ELAPOR1: variants seen among roughly 807,000 people sequenced by gnomAD.
The protein encoded by ELAPOR1 is endosome/lysosome-associated apoptosis and autophagy regulator 1.
ELAPOR1 carries 77 observed loss-of-function variants against 119.7 expected under a neutral mutation model. That is an observed-to-expected ratio of 0.64 (90% CI 0.54 to 0.78). The LOEUF is 0.78. ELAPOR1 is among the 30% of genes least tolerant of loss of function. The pLI, the probability that ELAPOR1 is intolerant of heterozygous loss-of-function variation, is 0.00. For synonymous variants in ELAPOR1, 481 were observed against 487.2 expected, an observed-to-expected ratio of 0.99 and a Z score of 0.17; for missense variants, 1,115 against 1,270.4, an observed-to-expected ratio of 0.88 and a Z score of 1.86.
intron 7 of ELAPOR1, among the ~76,000 whole-genome samples, chr1:109,175,523 C>T (rs553312363): frequency 9.5e-5 from 14 of 148,042 alleles, no homozygotes; most frequent in African/African-American, 3.4e-4. Context: ...TTAAATGAAA[C>T]ATTATATAAG....
intron 1 of ELAPOR1, among the ~76,000 whole-genome samples, chr1:109,155,994 A>G (rs1179019235): frequency 2.4e-4 from 37 of 152,136 alleles, no homozygotes; most frequent in Admixed American, 2.4e-3. Flanking sequence ...AAATTTTTTT[A>G]ATTAGCCAGA....
At chr1:109,182,337 AAT>A (rs1558056744) in intron 7 of ELAPOR1, among the ~76,000 whole-genome samples, 1 of 5,000 alleles carries the variant, frequency 2.0e-4, no homozygotes, top group Non-Finnish European at 0.011. Context: ...CTCAAAAAAT[AAT>A]AATAATAATA....
intron 1 of ELAPOR1, among the ~76,000 whole-genome samples, chr1:109,144,569 T>C (rs1346941042): frequency 1.3e-5 from 2 of 152,032 alleles, no homozygotes; most frequent in African/African-American, 4.8e-5. Context: ...GGCGAAACCC[T>C]GTCTCTACTA....
At chr1:109,152,433 T>A (rs1650590230) in intron 1 of ELAPOR1, among the ~76,000 whole-genome samples, 1 of 152,184 alleles carries the variant, frequency 6.6e-6, no homozygotes, top group African/African-American at 2.4e-5. Flanking sequence ...TGTGACTTTA[T>A]GCAGCAGTGG....
chr1:109,178,213 C>A (rs1652472171), intron 7 of ELAPOR1, among the ~76,000 whole-genome samples: 1 of 152,032 alleles, frequency 6.6e-6, no homozygotes, highest in African/African-American at 2.4e-5. Context: ...GTTTCACCAT[C>A]TCGGCCAGCC....
intron 7 of ELAPOR1, among the ~76,000 whole-genome samples, chr1:109,180,545 C>G (rs1652630512): frequency 6.6e-6 from 1 of 151,964 alleles, no homozygotes; most frequent in African/African-American, 2.4e-5. Flanking sequence ...TTATATCTGC[C>G]TCATAGTGTT....
intron 20 of ELAPOR1, among the ~76,000 whole-genome samples, chr1:109,200,527 T>A (rs553101737): frequency 6.6e-6 from 1 of 152,314 alleles, no homozygotes; most frequent in Non-Finnish European, 1.5e-5. Context: ...TTTGAGATCA[T>A]AGAAACAGAC....
intron 1 of ELAPOR1, among the ~76,000 whole-genome samples, chr1:109,127,545 A>G (rs187529547): frequency 2.0e-5 from 3 of 151,730 alleles, no homozygotes; most frequent in Admixed American, 1.3e-4. Context: ...GAAGGCTGAT[A>G]TGATGTTACC....
chr1:109,171,933 T>C lies in ELAPOR1; in HGVS notation c.535T>C (p.Tyr179His). 6.2e-7 allele frequency: 1 copy of C among 1,614,246 alleles called. No homozygotes were observed. The highest frequency in any genetic ancestry group is 8.5e-7 in the Non-Finnish European group (1 of 1,180,028). The change falls in exon 4 of 22, where the codon TAC becomes CAC. Residue 179 changes from tyrosine (Y) to histidine (H), a missense_variant. Physicochemically the swap from Tyr to His is moderately conservative, Grantham distance 83. Coordinates refer to ENST00000369939, the MANE Select transcript of ELAPOR1 (RefSeq NM_020775.5). ...GGACGAATGCACAGCCACACTGATG[T>C]ACGCCGTCAACCTGAAGCAATCTGG... is the stretch of plus-strand genomic sequence containing the variant. ...NTDECTATLM[Y>H]AVNLKQSGTV...
chr1:109,182,590 G>T (rs984593149), intron 7 of ELAPOR1, among the ~76,000 whole-genome samples: 6 of 151,818 alleles, frequency 4.0e-5, no homozygotes, highest in Non-Finnish European at 7.4e-5. Context: ...ATTCCAGGCC[G>T]GGAGCGGTGG....
Position 109,183,392 on chromosome 1 carries a change from T to C in ELAPOR1, c.953-1653T>C, listed in dbSNP as rs888270500. Reference sequence around the variant, plus strand: ...AGAGAAAAGAAAACAAACCCTATGATGAAATAATGAAAAAAATAAAATTAA... The same window carrying C: ...AGAGAAAAGAAAACAAACCCTATGACGAAATAATGAAAAAAATAAAATTAA... On this transcript the variant is annotated intron_variant, in intron 7 of 21. Coordinates refer to ENST00000369939, the MANE Select transcript of ELAPOR1 (RefSeq NM_020775.5). Among the ~76,000 whole-genome samples, 6 of 141,346 alleles carry C rather than the reference T, an allele frequency of 4.2e-5. No homozygotes were observed. In the South Asian group the frequency reaches 1.1e-3, roughly 27 times the overall value. 92.7% of individuals were successfully genotyped at this position (141,346 alleles called of 152,430 possible).
intron 1 of ELAPOR1, among the ~76,000 whole-genome samples, chr1:109,128,050 T>G (rs184707112): frequency 1.4e-3 from 220 of 152,068 alleles, no homozygotes; most frequent in Non-Finnish European, 2.5e-3. Flanking sequence ...AGTTTTATAT[T>G]TTTATAGAGA....
At chr1:109,131,800 A>T (rs557703313) in intron 1 of ELAPOR1, among the ~76,000 whole-genome samples, 6 of 152,158 alleles carry the variant, frequency 3.9e-5, no homozygotes, top group African/African-American at 1.4e-4. Flanking sequence ...TCTTAGCCCA[A>T]CCCCTGGTAT....
At chr1:109,122,291 C>T (rs535542993) in intron 1 of ELAPOR1, among the ~76,000 whole-genome samples, 1 of 150,802 alleles carries the variant, frequency 6.6e-6, no homozygotes, top group Admixed American at 6.6e-5. Context: ...TACCTGCCTC[C>T]GCCTCTCAAA....
Position 109,203,092 on chromosome 1 carries a change from T to C in ELAPOR1, c.*80T>C. The C allele has an allele frequency of 1.2e-6, 1 of 866,816 alleles. No homozygotes were observed. The highest frequency in any genetic ancestry group is 1.9e-6 in the Non-Finnish European group (1 of 522,640). 53.7% of individuals were successfully genotyped at this position (866,816 alleles called of 1,614,324 possible). On this transcript the variant is annotated 3_prime_UTR_variant, in exon 22 of 22. Coordinates refer to ENST00000369939, the MANE Select transcript of ELAPOR1 (RefSeq NM_020775.5). ...TGCGGCGATTTGGGTGCCAGCATCC[T>C]GCAACACCCACTGCTGGAAATCTCT...
At chr1:109,122,190 C>G (rs149925358) in intron 1 of ELAPOR1, among the ~76,000 whole-genome samples, 158 of 151,704 alleles carry the variant, frequency 1.0e-3, no homozygotes, top group African/African-American at 3.7e-3. Flanking sequence ...ATGCCTCATC[C>G]TCCCGAATAG....
chr1:109,146,782 C>T (rs947186384), intron 1 of ELAPOR1, among the ~76,000 whole-genome samples: 1 of 152,174 alleles, frequency 6.6e-6, no homozygotes, highest in Admixed American at 6.6e-5. Context: ...CTCTGTCCTC[C>T]AGGCTGGAGT....
intron 13 of ELAPOR1, among the ~76,000 whole-genome samples, chr1:109,192,187 G>T (rs115565334): frequency 0.045 from 6,855 of 152,242 alleles, 189 homozygotes; most frequent in Middle Eastern, 0.11. Flanking sequence ...CAGGCTCATT[G>T]CAGAAGACAC....
chr1:109,163,493 A>C (rs577292987), intron 2 of ELAPOR1, among the ~76,000 whole-genome samples: 1 of 152,266 alleles, frequency 6.6e-6, no homozygotes, highest in Admixed American at 6.5e-5. Flanking sequence ...CCTGGGCTCA[A>C]GTAATTTTCC....
Sources: gnomAD v4.1 joint callset for allele counts (sites outside exome capture counted in the v4.1 genomes callset) on GRCh38, gnomAD v4.1.1 for gene constraint, MANE v1.5 for transcripts, NCBI Gene and HGNC (gene_info 2026-07-23, HGNC 2026-07-21) for gene names.